ATP8B4: variants seen among roughly 807,000 people sequenced by gnomAD.
ATP8B4 encodes probable phospholipid-transporting ATPase IM.
In ATP8B4, 133 loss-of-function variants were observed where a neutral mutation model predicts 145.6. That is an observed-to-expected ratio of 0.91 (90% CI 0.79 to 1.05). The LOEUF (loss-of-function observed/expected upper bound fraction) is 1.05. Ranked by LOEUF, ATP8B4 falls within the 50% of genes least tolerant of loss-of-function variation. ATP8B4 has a pLI of 0.00. For missense variants in ATP8B4, 1,458 were observed against 1,425.2 expected (o/e 1.02, Z -0.37); for synonymous variants, 507 against 492.9 (o/e 1.03, Z -0.38).
chr15:49,936,012 T>C (rs2041704997), intron 14 of ATP8B4, among the ~76,000 whole-genome samples: 1 of 152,162 alleles, frequency 6.6e-6, no homozygotes, highest in African/African-American at 2.4e-5. Flanking sequence ...TCTATTTCAC[T>C]ATAGAGGTTT....
At chr15:49,979,172 AGAAGAT>A (rs1468846485) in intron 12 of ATP8B4, among the ~76,000 whole-genome samples, 1 of 152,100 alleles carries the variant, frequency 6.6e-6, no homozygotes, top group Non-Finnish European at 1.5e-5. Context: ...CTGAGGCACT[AGAAGAT>A]GAAGCTACTT....
At chr15:49,897,043 T>C (rs531349189) in intron 23 of ATP8B4, 20 of 408,644 alleles carry the variant, frequency 4.9e-5, no homozygotes, top group Admixed American at 1.6e-4. Context: ...AAAGTATGCA[T>C]GGAAGGAGTA....
intron 24 of ATP8B4, 154 bp from the exon 25 acceptor site, chr15:49,876,677 C>A (rs2034482390): frequency 9.9e-7 from 1 of 1,012,328 alleles, no homozygotes; most frequent in Non-Finnish European, 1.5e-6. Flanking sequence ...GTTTGTATTC[C>A]CACAATAAAC....
chr15:49,872,404 G>A lies in ATP8B4; in HGVS notation c.3027+3874C>T, dbSNP rs146755612. 3.0e-3 allele frequency among the ~76,000 whole-genome samples: 452 copies of A among 152,298 alleles called. 8 individuals carry two copies. In the East Asian group the frequency reaches 0.032, roughly 11 times the overall value. ...AAAGTTAATTCTCCTTCTCTTGAAT[G>A]TAGGTTGGACTCAGCGACTTACTTT... On this transcript the variant is annotated intron_variant, in intron 25 of 27. Coordinates refer to ENST00000284509, the MANE Select transcript of ATP8B4 (RefSeq NM_024837.4).
At chr15:50,037,198 G>C (rs2050903726) in intron 6 of ATP8B4, among the ~76,000 whole-genome samples, 1 of 152,178 alleles carries the variant, frequency 6.6e-6, no homozygotes, top group Non-Finnish European at 1.5e-5. Flanking sequence ...CACTACGTAA[G>C]TGTATTTACT....
chr15:50,007,025 A>C (rs1324471788), intron 7 of ATP8B4, among the ~76,000 whole-genome samples: 2 of 152,154 alleles, frequency 1.3e-5, no homozygotes, highest in Admixed American at 6.5e-5. Flanking sequence ...CCTTCCAAAA[A>C]ACTAGGAATT....
intron 5 of ATP8B4, among the ~76,000 whole-genome samples, chr15:50,039,548 A>G (rs2051108805): frequency 6.6e-6 from 1 of 152,318 alleles, no homozygotes; most frequent in South Asian, 2.1e-4. Context: ...ATCAGATAGT[A>G]GTAGTAGGCT....
chr15:50,144,854 C>A (rs11632411), intron 1 of ATP8B4, among the ~76,000 whole-genome samples: 24,548 of 152,026 alleles, frequency 0.16, 2,168 homozygotes, highest in African/African-American at 0.2. Flanking sequence ...AGTTCACTTA[C>A]TCCTGGAAGC....
At chr15:49,927,541 T>A (rs1179192224) in intron 16 of ATP8B4, among the ~76,000 whole-genome samples, 1 of 152,118 alleles carries the variant, frequency 6.6e-6, no homozygotes, top group African/African-American at 2.4e-5. Flanking sequence ...CAAACCTTCA[T>A]GCATTCTGTG....
chr15:50,014,220 C>T (rs922709684), intron 6 of ATP8B4, among the ~76,000 whole-genome samples: 8 of 152,030 alleles, frequency 5.3e-5, no homozygotes, highest in African/African-American at 1.9e-4. Context: ...AATTGACCTC[C>T]CCAATTAACC....
At chr15:50,033,604 G>A (rs778745230) in intron 6 of ATP8B4, among the ~76,000 whole-genome samples, 9 of 152,232 alleles carry the variant, frequency 5.9e-5, no homozygotes, top group African/African-American at 9.6e-5. Flanking sequence ...GTGCAGGATC[G>A]TTACATGGGA....
chr15:49,915,285 T>C (rs1467479859), intron 20 of ATP8B4, among the ~76,000 whole-genome samples: 1 of 152,144 alleles, frequency 6.6e-6, no homozygotes, highest in Non-Finnish European at 1.5e-5. Flanking sequence ...GAATGATAGA[T>C]ACCAGACACT....
At chr15:50,036,316 G>C (rs1211877999) in intron 6 of ATP8B4, among the ~76,000 whole-genome samples, 2 of 152,198 alleles carry the variant, frequency 1.3e-5, no homozygotes, top group South Asian at 4.1e-4. Flanking sequence ...TTACACCTCA[G>C]TGTTTGTCCA....
intron 7 of ATP8B4, among the ~76,000 whole-genome samples, chr15:50,007,031 G>A (rs914870379): frequency 6.6e-6 from 1 of 151,844 alleles, no homozygotes; most frequent in Non-Finnish European, 1.5e-5. Context: ...AAAAAACTAG[G>A]AATTCTGGCA....
At chr15:50,029,199 C>CA (rs1004413512) in intron 6 of ATP8B4, among the ~76,000 whole-genome samples, 1 of 140,246 alleles carries the variant, frequency 7.1e-6, no homozygotes, top group African/African-American at 2.7e-5. Context: ...CGCCACACGC[C>CA]ACTGCACTCC....
chr15:49,979,530 T>A, intron 12 of ATP8B4, 87 bp downstream of exon 12: 1 of 1,129,288 alleles, frequency 8.9e-7, no homozygotes, highest in Non-Finnish European at 1.2e-6. Flanking sequence ...AAGACATCTA[T>A]TGCACTGCTG....
chr15:50,099,687 T>G (rs561007900), intron 2 of ATP8B4, among the ~76,000 whole-genome samples: 2 of 152,326 alleles, frequency 1.3e-5, no homozygotes, highest in South Asian at 4.1e-4. Context: ...ATAAATAGAC[T>G]GTAATCATAA....
intron 1 of ATP8B4, among the ~76,000 whole-genome samples, chr15:50,139,973 A>G (rs34398655): frequency 0.16 from 24,591 of 149,894 alleles, 2,255 homozygotes; most frequent in Non-Finnish European, 0.21. Context: ...CTATGAGTAC[A>G]CAAAGGCATA....
At position 49,933,941 on chromosome 15, in the gene ATP8B4, C is replaced by T. The variant is rs1251679983; in HGVS notation, c.1453+76G>A. On this transcript the variant is annotated intron_variant, in intron 15 of 27. Transcript: ENST00000284509. ...CTGCTCAAATGCTTAATTTGTAAAT[C>T]CTTCAAATTTAGTGTCAGTTTCAAT... 2.2e-6 allele frequency: 3 copies of T among 1,393,746 alleles called. No individual in the cohort carries two copies. In the Admixed American group the frequency reaches 7.8e-5, roughly 36 times the overall value. 86.3% of individuals were successfully genotyped at this position (1,393,746 alleles called of 1,614,324 possible). A position where few individuals can be genotyped will look rare whatever the true frequency, so the allele number is the denominator to read the frequency against.
Sources: allele counts gnomAD v4.1 joint callset (sites outside exome capture counted in the v4.1 genomes callset), GRCh38; gene constraint gnomAD v4.1.1; transcripts MANE v1.5; gene names NCBI Gene and HGNC (gene_info 2026-07-23, HGNC 2026-07-21).